The following ASB18 variants were observed in gnomAD, a reference collection of about 807,000 sequenced individuals.
The protein encoded by ASB18 is ankyrin repeat and SOCS box protein 18.
ASB18 carries 33 observed loss-of-function variants against 33.4 expected under a neutral mutation model. That is an observed-to-expected ratio of 0.99 (90% CI 0.75 to 1.32). ASB18 has a LOEUF of 1.32. Ranked by LOEUF, ASB18 falls within the 40% of genes most tolerant of loss-of-function variation. The pLI is 0.00. For missense variants in ASB18, 694 were observed against 655.5 expected, an observed-to-expected ratio of 1.06 and a Z score of -0.64; for synonymous variants, 295 against 307.6, an observed-to-expected ratio of 0.96 and a Z score of 0.43.
rs145352983 is a variant in ASB18, at chr2:236,261,849, G to C, written c.205+2292C>G. Among the ~76,000 whole-genome samples, 108 of 152,280 alleles carry C rather than the reference G, an allele frequency of 7.1e-4. 2 individuals are homozygous for C. The highest frequency in any genetic ancestry group is 2.5e-3 in the African/African-American group (103 of 41,566). The stretch of plus-strand genomic sequence containing the variant: ...TACATGGTGGCAGGCAAGAGATAAG[G>C]AGAGCCAAGTGAAAGGGGAAGCCCC... On this transcript the variant is annotated intron_variant, in intron 1 of 5. Transcript: ENST00000409749.
In ASB18 at chr2:236,237,887, G is replaced by T. The variant is rs974881230; in HGVS notation, c.398C>A (p.Thr133Asn). 4.8e-5 allele frequency: 72 copies of T among 1,494,424 alleles called. No homozygotes were observed. The highest frequency in any genetic ancestry group is 6.3e-5 in the Non-Finnish European group (71 of 1,129,426). The allele number at this position is 1,494,424 out of a possible 1,614,324, so 92.6% of individuals were successfully genotyped here. ...GCCGAGCAGGTGTCGCACGCAGGCGGTGTGGCCGTGGGCCGCGGCGATGCA... is the reference window on the plus strand; with the variant it reads ...GCCGAGCAGGTGTCGCACGCAGGCGTTGTGGCCGTGGGCCGCGGCGATGCA... ...PLCIAAAHGH[T>N]ACVRHLLGRG... The change falls in exon 3 of 6, where the codon ACC (threonine) becomes AAC (asparagine). Residue 133 changes from threonine to asparagine, a missense_variant. Thr to Asn is a moderately conservative substitution (Grantham distance 65, BLOSUM62 0). Coordinates refer to ENST00000409749, the MANE Select transcript of ASB18 (RefSeq NM_212556.4). The surrounding 1 kb of genome is among the most constrained non-coding windows in gnomAD (Gnocchi z 6.2).
intron 4 of ASB18, among the ~76,000 whole-genome samples, chr2:236,197,822 C>CA (rs35276424): frequency 0.24 from 35,431 of 146,540 alleles, 5,834 homozygotes; most frequent in African/African-American, 0.47. Flanking sequence ...AACTCAGTCT[C>CA]AAAAAAAAAA....
intron 2 of ASB18, among the ~76,000 whole-genome samples, chr2:236,240,179 T>A (rs1559335895): frequency 6.6e-6 from 1 of 152,174 alleles, no homozygotes; most frequent in Non-Finnish European, 1.5e-5. Context: ...GCCGTTGGTA[T>A]TTTTGGTCTG....
chr2:236,224,105 G>A (rs2060525583), intron 3 of ASB18, among the ~76,000 whole-genome samples: 3 of 148,230 alleles, frequency 2.0e-5, no homozygotes, highest in African/African-American at 7.5e-5. Context: ...GTTTTCCAAA[G>A]AGATATCATT....
In ASB18 at chr2:236,241,156, C is replaced by T. The variant is rs935283509; in HGVS notation, c.328+124G>A. 5 of 958,386 alleles carry T rather than the reference C, an allele frequency of 5.2e-6. No individual in the cohort carries two copies. The highest frequency in any genetic ancestry group is 8.0e-6 in the Non-Finnish European group (5 of 622,446). The allele number at this position is 958,386 out of a possible 1,614,324, so 59.4% of individuals were successfully genotyped here. On this transcript the variant is annotated intron_variant, in intron 2 of 5. Transcript: ENST00000409749. The surrounding 1 kb of genome is among the most constrained non-coding windows in gnomAD (Gnocchi z 4.2). ...ACTGCGAGCAAACTTCATCAGATGT[C>T]CTTTTCTTGTGTACGTTAAACCCAG...
intron 4 of ASB18, among the ~76,000 whole-genome samples, chr2:236,198,353 A>G (rs1229292803): frequency 6.6e-6 from 1 of 152,026 alleles, no homozygotes; most frequent in Non-Finnish European, 1.5e-5. Flanking sequence ...TTGTGAATCT[A>G]TTTACAAGCA....
rs1477336258 is a variant in ASB18, at chr2:236,225,433, G to T, written c.597-10567C>A. ...CACATGATTTATTTTTCATTCAGTT[G>T]AATTAACACACCTGGGACAAAAAAG... is the stretch of plus-strand genomic sequence containing the variant. On this transcript the variant is annotated intron_variant, in intron 3 of 5. Transcript: ENST00000409749. This position sits in a 1 kb window ranked among gnomAD's most constrained non-coding sequence, Gnocchi z 5.1. 1.3e-5 allele frequency among the ~76,000 whole-genome samples: 2 copies of T among 152,148 alleles called. No individual in the cohort carries two copies. Among genetic ancestry groups the T allele is most frequent in the African/African-American group, 4.8e-5 (2 of 41,420 alleles).
chr2:236,263,045 G>C lies in ASB18; in HGVS notation c.205+1096C>G, dbSNP rs1293829482. ...GTGATGCATGTACTTGCGTGTGCGT[G>C]TGTGCACCTATGTTGGGAGGGAGAA... On this transcript the variant is annotated intron_variant, in intron 1 of 5. Coordinates refer to ENST00000409749, the MANE Select transcript of ASB18 (RefSeq NM_212556.4). The surrounding 1 kb of genome is among the most constrained non-coding windows in gnomAD (Gnocchi z 4.0). Among the ~76,000 whole-genome samples, 1 of 152,226 alleles carries C rather than the reference G, an allele frequency of 6.6e-6. No homozygotes were observed. The highest frequency in any genetic ancestry group is 2.4e-5 in the African/African-American group (1 of 41,456).
At chr2:236,197,489 C>T (rs1420601642) in intron 4 of ASB18, among the ~76,000 whole-genome samples, 1 of 152,154 alleles carries the variant, frequency 6.6e-6, no homozygotes, top group Non-Finnish European at 1.5e-5. Flanking sequence ...GATTTGTGGA[C>T]ATGCTGCTCT....
rs976233442 is a variant in ASB18, at chr2:236,214,630, AG to A, written c.832del (p.Leu278CysfsTer92). ...CGCCTCCGCCCCGCGCCGCAGCAGCAGCGCGCACAGGCGCAGGCAGCGCCCG... is the reference window on the plus strand; with the variant it reads ...CGCCTCCGCCCCGCGCCGCAGCAGCACGCGCACAGGCGCAGGCAGCGCCCG... ...EHGRCLRLCA[L>X]LLRRGAEADA... On this transcript the variant is annotated frameshift_variant, in exon 4 of 6. Coordinates refer to ENST00000409749, the MANE Select transcript of ASB18 (RefSeq NM_212556.4). LOFTEE classifies it high-confidence loss of function. The surrounding 1 kb of genome is among the most constrained non-coding windows in gnomAD (Gnocchi z 6.5). 45 of 1,187,172 alleles carry A rather than the reference AG, an allele frequency of 3.8e-5. No homozygotes were observed. The highest frequency in any genetic ancestry group is 2.3e-4 in the Admixed American group (5 of 21,390). 73.5% of individuals were successfully genotyped at this position (1,187,172 alleles called of 1,614,324 possible).
chr2:236,205,785 G>A lies in ASB18; in HGVS notation c.1101+8577C>T, dbSNP rs190509745. 1.6e-3 allele frequency among the ~76,000 whole-genome samples: 239 copies of A among 152,316 alleles called. No individual in the cohort carries two copies. Among genetic ancestry groups the A allele is most frequent in the Admixed American group, 5.2e-3 (80 of 15,292 alleles). On this transcript the variant is annotated intron_variant, in intron 4 of 5. Coordinates refer to ENST00000409749, the MANE Select transcript of ASB18 (RefSeq NM_212556.4). The surrounding 1 kb of genome is among the most constrained non-coding windows in gnomAD (Gnocchi z 5.4). Reference sequence around the variant, plus strand: ...ATCAAAATGAAAGTATCTTCACTGAGTCTAAAATTCTAGTGTCCAAATTTT... The same window carrying A: ...ATCAAAATGAAAGTATCTTCACTGAATCTAAAATTCTAGTGTCCAAATTTT...
rs977257427 is a variant in ASB18, at chr2:236,238,634, G to T, written c.329-678C>A. Among the ~76,000 whole-genome samples the T allele has an allele frequency of 2.5e-5, 3 of 120,054 alleles. No homozygotes were observed. Among genetic ancestry groups the T allele is most frequent in the African/African-American group, 3.5e-5 (1 of 28,462 alleles). 78.8% of individuals were successfully genotyped at this position (120,054 alleles called of 152,430 possible). A position where few individuals can be genotyped will look rare whatever the true frequency, so the allele number is the denominator to read the frequency against. On this transcript the variant is annotated intron_variant, in intron 2 of 5. Coordinates refer to ENST00000409749, the MANE Select transcript of ASB18 (RefSeq NM_212556.4). This position sits in a 1 kb window ranked among gnomAD's most constrained non-coding sequence, Gnocchi z 5.2. ...GGGTGTGTGTGTGTGTGTGTGTAGG[G>T]TTGCTCTTTCTTGAGGGATGAATGG... is the stretch of plus-strand genomic sequence containing the variant.
At position 236,249,135 on chromosome 2, in the gene ASB18, A is replaced by G. The variant is rs1171113053; in HGVS notation, c.206-7733T>C. 6.6e-6 allele frequency: 1 copy of G among 152,226 alleles called. No homozygotes were observed. The highest frequency in any genetic ancestry group is 1.5e-5 in the Non-Finnish European group (1 of 68,046). 9.4% of individuals were successfully genotyped at this position (152,226 alleles called of 1,614,324 possible). ...AGTAACTCGTGTCAGACAGATGTCCATTTAAGTTCCCTTTCTCATTGGGAC... is the reference window on the plus strand; with the variant it reads ...AGTAACTCGTGTCAGACAGATGTCCGTTTAAGTTCCCTTTCTCATTGGGAC... On this transcript the variant is annotated intron_variant, in intron 1 of 5. Transcript: ENST00000409749. This position sits in a 1 kb window ranked among gnomAD's most constrained non-coding sequence, Gnocchi z 4.6.
chr2:236,258,695 C>T (rs1422927623), intron 1 of ASB18, among the ~76,000 whole-genome samples: 2 of 152,196 alleles, frequency 1.3e-5, no homozygotes, highest in Non-Finnish European at 2.9e-5. Flanking sequence ...AAGTCTAATT[C>T]TGCAAATGGA....
intron 4 of ASB18, among the ~76,000 whole-genome samples, chr2:236,197,077 C>A (rs1304783694): frequency 6.6e-6 from 1 of 152,112 alleles, no homozygotes; most frequent in East Asian, 1.9e-4. Context: ...TCCCCGCCCC[C>A]CCCATCAACC....
In ASB18 at chr2:236,257,333, GCT is replaced by G. The variant is rs952410437; in HGVS notation, c.205+6806_205+6807del. ...TCGAGCAGGGTCTCCCTGCCCCCAC[GCT>G]CTCTGGTGGAGTGAGCAGTCAAGAC... On this transcript the variant is annotated intron_variant, in intron 1 of 5. Transcript: ENST00000409749. The surrounding 1 kb of genome is among the most constrained non-coding windows in gnomAD (Gnocchi z 5.5). Among the ~76,000 whole-genome samples the G allele has an allele frequency of 1.3e-5, 2 of 152,148 alleles. No homozygotes were observed. The highest frequency in any genetic ancestry group is 2.9e-5 in the Non-Finnish European group (2 of 68,014).
rs1443974267 is a variant in ASB18, at chr2:236,234,871, C to A, written c.596+2818G>T. On this transcript the variant is annotated intron_variant, in intron 3 of 5. Transcript: ENST00000409749. The surrounding 1 kb of genome is among the most constrained non-coding windows in gnomAD (Gnocchi z 4.1). Reference sequence around the variant, plus strand: ...AAAATATAAGAGAAAATCTGTATGACCTTGGGTTAGGCAGATTTTTTTTTA... The same window carrying A: ...AAAATATAAGAGAAAATCTGTATGAACTTGGGTTAGGCAGATTTTTTTTTA... Among the ~76,000 whole-genome samples, 2 of 152,110 alleles carry A rather than the reference C, an allele frequency of 1.3e-5. No individual in the cohort carries two copies. Among genetic ancestry groups the A allele is most frequent in the African/African-American group, 4.8e-5 (2 of 41,436 alleles).
chr2:236,222,681 G>C lies in ASB18; in HGVS notation c.597-7815C>G, dbSNP rs910834494. On this transcript the variant is annotated intron_variant, in intron 3 of 5. Transcript: ENST00000409749. This position sits in a 1 kb window ranked among gnomAD's most constrained non-coding sequence, Gnocchi z 5.5. ...CGAATGGTTTAGTACCATCCCCTTG[G>C]TGCTTTCCTCACGATAGCGAGTTCA... is the stretch of plus-strand genomic sequence containing the variant. 6.6e-6 allele frequency among the ~76,000 whole-genome samples: 1 copy of C among 152,112 alleles called. No homozygotes were observed.
rs958624530 is a variant in ASB18 at position 236,256,914 on chromosome 2, G to A, written c.205+7227C>T. On this transcript the variant is annotated intron_variant, in intron 1 of 5. Coordinates refer to ENST00000409749, the MANE Select transcript of ASB18 (RefSeq NM_212556.4). The surrounding 1 kb of genome is among the most constrained non-coding windows in gnomAD (Gnocchi z 4.7). ...AAAAAGAGCCTAGGGTGTGTGTCTC[G>A]TAGAAAGCAAAGAAACATTTTAATT... 3.9e-5 allele frequency among the ~76,000 whole-genome samples: 6 copies of A among 152,170 alleles called. No individual in the cohort carries two copies. Among genetic ancestry groups the A allele is most frequent in the South Asian group, 4.2e-4 (2 of 4,802 alleles).
Sources: gnomAD v4.1 joint callset for allele counts (sites outside exome capture counted in the v4.1 genomes callset) on GRCh38, gnomAD v4.1.1 for gene constraint, Gnocchi (gnomAD v3.1) non-coding constraint, MANE v1.5 for transcripts, NCBI Gene and HGNC (gene_info 2026-07-23, HGNC 2026-07-21) for gene names.